The following AFF4 variants were observed in gnomAD, a reference collection of about 807,000 sequenced individuals.
AFF4 encodes the protein AF4/FMR2 family member 4.
AFF4 carries 13 observed loss-of-function variants against 124.8 expected under a neutral mutation model. That is an observed-to-expected ratio of 0.10 (90% CI 0.07 to 0.17). The LOEUF is 0.17. Ranked by LOEUF, AFF4 falls within the 10% of genes least tolerant of loss-of-function variation. The probability of loss-of-function intolerance (pLI) is 1.00; values close to 1 mark genes in which losing one functional copy is unlikely to be tolerated. For synonymous variants in AFF4, 477 were observed against 496.1 expected (o/e 0.96, Z 0.51); for missense variants, 1,092 against 1,403.8 (o/e 0.78, Z 3.55).
intron 1 of AFF4, among the ~76,000 whole-genome samples, chr5:132,940,228 G>A (rs1027751644): frequency 6.6e-6 from 1 of 150,982 alleles, no homozygotes; most frequent in Admixed American, 6.6e-5. Flanking sequence ...GGCCGGGTGC[G>A]GTGGCTCACG....
intron 1 of AFF4, among the ~76,000 whole-genome samples, chr5:132,955,627 AAGT>A (rs1561514409): frequency 1.3e-5 from 2 of 150,934 alleles, no homozygotes; most frequent in Admixed American, 6.6e-5. Context: ...AAAATACAAA[AAGT>A]AGCCGGGCGT....
At chr5:132,881,867 T>C (rs1327927333) in intron 20 of AFF4, among the ~76,000 whole-genome samples, 1 of 150,144 alleles carries the variant, frequency 6.7e-6, no homozygotes, top group Non-Finnish European at 1.5e-5. Flanking sequence ...GGTTTCACCA[T>C]GTTGGCCAGG....
rs1356060676 is a variant in AFF4, at chr5:132,877,198, G to C, written c.*3861C>G. Reference sequence around the variant, plus strand: ...CCCCAGTAGATGTTCCTGGGACCCAGACACAAACTCCTATAAATCAAAATA... The same window carrying C: ...CCCCAGTAGATGTTCCTGGGACCCACACACAAACTCCTATAAATCAAAATA... On this transcript the variant is annotated 3_prime_UTR_variant, in exon 21 of 21. Coordinates refer to ENST00000265343, the MANE Select transcript of AFF4 (RefSeq NM_014423.4). 9.7e-6 allele frequency: 2 copies of C among 207,000 alleles called. No individual in the cohort carries two copies. The highest frequency in any genetic ancestry group is 4.6e-5 in the African/African-American group (2 of 43,800). The allele number at this position is 207,000 out of a possible 1,614,324, so 12.8% of individuals were successfully genotyped here. A position where few individuals can be genotyped will look rare whatever the true frequency, so the allele number is the denominator to read the frequency against.
chr5:132,930,332 C>A (rs1761269877), intron 4 of AFF4, among the ~76,000 whole-genome samples: 1 of 151,500 alleles, frequency 6.6e-6, no homozygotes, highest in African/African-American at 2.4e-5. Context: ...CCAAAAAGGG[C>A]AAAGAAAGAG....
intron 6 of AFF4, 84 bp from the exon 7 acceptor site, chr5:132,902,571 G>T: frequency 9.6e-7 from 1 of 1,039,120 alleles, no homozygotes; most frequent in Non-Finnish European, 1.5e-6. Flanking sequence ...TCAAATAAAT[G>T]TAAATCAAAC....
intron 4 of AFF4, among the ~76,000 whole-genome samples, chr5:132,931,260 C>G (rs946352739): frequency 2.0e-5 from 3 of 151,616 alleles, no homozygotes; most frequent in African/African-American, 7.3e-5. Flanking sequence ...GAAACCCCAT[C>G]TCTACTAAAA....
At chr5:132,926,264 G>T in intron 5 of AFF4, 1 of 460,658 alleles carries the variant, frequency 2.2e-6, no homozygotes, top group South Asian at 1.7e-5. Flanking sequence ...TTGGGGAAAG[G>T]CTATTATTAG....
intron 1 of AFF4, among the ~76,000 whole-genome samples, chr5:132,944,444 G>T (rs1474993767): frequency 6.6e-6 from 1 of 151,912 alleles, no homozygotes; most frequent in African/African-American, 2.4e-5. Context: ...TCAGGAGTTT[G>T]AGACCACCCT....
Position 132,896,443 on chromosome 5 carries a change from C to T in AFF4, c.2187G>A (p.Lys729=). ...TGGGCGGCTCTGTTTCTTTGTAAGGCTTTCCTGGTATTCTAGTCAAAAGAT... is the reference window on the plus strand; with the variant it reads ...TGGGCGGCTCTGTTTCTTTGTAAGGTTTTCCTGGTATTCTAGTCAAAAGAT... ...DLNLLTRIPG[K]PYKETEPPKG... The change falls in exon 11 of 21, where the codon AAG becomes AAA. Residue 729 remains lysine (K), a synonymous_variant. Transcript: ENST00000265343. The T allele has an allele frequency of 6.2e-7, 1 of 1,614,180 alleles. No individual in the cohort carries two copies.
chr5:132,934,822 T>C lies in AFF4; in HGVS notation c.243A>G (p.Thr81=), dbSNP rs1032420170. Residue 81 remains threonine, a synonymous_variant, in exon 3 of 21, where the codon ACA becomes ACG. Transcript: ENST00000265343. The part of the protein sequence containing the change: ...IPKLVAIPKP[T]VPPSADEKSN... The stretch of plus-strand genomic sequence containing the variant: ...ATTTTTCATCTGCTGATGGTGGTAC[T>C]GTAGGCTTGGGAATTGCAACAAGCT... 2.5e-6 allele frequency: 4 copies of C among 1,614,184 alleles called. No individual in the cohort carries two copies. The highest frequency in any genetic ancestry group is 2.5e-6 in the Non-Finnish European group (3 of 1,180,042).
At chr5:132,902,523 TGGC>T (rs756111722) in intron 6 of AFF4, 36 bp from the exon 7 acceptor site, 16 of 1,484,802 alleles carry the variant, frequency 1.1e-5, no homozygotes, top group Non-Finnish European at 1.5e-5. Context: ...AACTAAAGGA[TGGC>T]TATTTAGACT....
chr5:132,882,038 C>T (rs1394957203), intron 20 of AFF4, among the ~76,000 whole-genome samples: 1 of 151,708 alleles, frequency 6.6e-6, no homozygotes, highest in Non-Finnish European at 1.5e-5. Flanking sequence ...CATAATGAGA[C>T]CTTATCTCTA....
At position 132,883,692 on chromosome 5, in the gene AFF4, G is replaced by A. The variant is rs2243551; in HGVS notation, c.3144-132C>T. 693,252 of 708,610 alleles carry A rather than the reference G, an allele frequency of 0.98. 339,237 individuals carry two copies. The highest frequency in any genetic ancestry group is 1 in the Middle Eastern group (2,417 of 2,424). The allele number at this position is 708,610 out of a possible 1,614,324, so 43.9% of individuals were successfully genotyped here. ...CTTAAACTAGATGGGTTTTCAGAGAGCTACAATTTCTTCTAAATAAGTACT... is the reference window on the plus strand; with the variant it reads ...CTTAAACTAGATGGGTTTTCAGAGAACTACAATTTCTTCTAAATAAGTACT... On this transcript the variant is annotated intron_variant, in intron 19 of 20. Coordinates refer to ENST00000265343, the MANE Select transcript of AFF4 (RefSeq NM_014423.4).
chr5:132,957,435 T>C (rs1223731830), intron 1 of AFF4, among the ~76,000 whole-genome samples: 1 of 152,040 alleles, frequency 6.6e-6, no homozygotes, highest in Non-Finnish European at 1.5e-5. Context: ...ATGTTAACTA[T>C]TAAAATTTAC....
chr5:132,949,776 G>A (rs968852497), intron 1 of AFF4, among the ~76,000 whole-genome samples: 12 of 150,414 alleles, frequency 8.0e-5, no homozygotes, highest in Admixed American at 1.3e-4. Context: ...GCGAGAGAAT[G>A]GCGCGAACCC....
At chr5:132,907,708 T>A (rs1009669119) in intron 5 of AFF4, among the ~76,000 whole-genome samples, 4 of 151,744 alleles carry the variant, frequency 2.6e-5, no homozygotes, top group African/African-American at 9.7e-5. Context: ...ATTTGAAGGA[T>A]ATATAGGAAA....
intron 5 of AFF4, among the ~76,000 whole-genome samples, chr5:132,912,899 CAG>C (rs1010856236): frequency 1.3e-5 from 2 of 151,258 alleles, no homozygotes; most frequent in Non-Finnish European, 2.9e-5. Context: ...GCTGATGAGA[CAG>C]AGAAATCAAA....
At chr5:132,931,139 G>A (rs1761291121) in intron 4 of AFF4, among the ~76,000 whole-genome samples, 1 of 151,670 alleles carries the variant, frequency 6.6e-6, no homozygotes, top group South Asian at 2.1e-4. Context: ...AAAGCAGCCG[G>A]GTGCAGTGGC....
At chr5:132,955,271 T>C (rs1761927009) in intron 1 of AFF4, among the ~76,000 whole-genome samples, 1 of 152,020 alleles carries the variant, frequency 6.6e-6, no homozygotes, top group African/African-American at 2.4e-5. Context: ...AGAGTGGTTA[T>C]GGAAAAGGAA....
Sources: gnomAD v4.1 joint callset for allele counts (sites outside exome capture counted in the v4.1 genomes callset) on GRCh38, gnomAD v4.1.1 for gene constraint, MANE v1.5 for transcripts, NCBI Gene and HGNC (gene_info 2026-07-23, HGNC 2026-07-21) for gene names.